EPB41: variants seen among roughly 807,000 people sequenced by gnomAD.
The protein encoded by EPB41 is erythrocyte membrane protein band 4.1.
A neutral mutation model predicts 108.0 loss-of-function variants in EPB41; 65 were observed. The observed-to-expected ratio is 0.60, with a 90% CI of 0.49 to 0.74. The LOEUF (loss-of-function observed/expected upper bound fraction) is 0.74, where lower values mean the gene tolerates loss of function less well. Ranked by LOEUF, EPB41 falls within the 30% of genes least tolerant of loss-of-function variation. The pLI is 0.00. For missense variants in EPB41, 875 were observed against 1,037.0 expected (o/e 0.84, Z 2.15); for synonymous variants, 336 against 358.9 (o/e 0.94, Z 0.72).
chr1:29,117,859 C>T lies in EPB41; in HGVS notation c.*1047C>T, dbSNP rs1056135044. 1 of 152,564 alleles carries T rather than the reference C, an allele frequency of 6.6e-6. No individual in the cohort carries two copies. Among genetic ancestry groups the T allele is most frequent in the Admixed American group, 6.6e-5 (1 of 15,262 alleles). The allele number at this position is 152,564 out of a possible 1,614,324, so 9.5% of individuals were successfully genotyped here. ...GTTTTTCTTTTTTGACCTTTCTTCT[C>T]TCAACAGGAACCTGCCTGAGGACAC... On this transcript the variant is annotated 3_prime_UTR_variant, in exon 21 of 21. Coordinates refer to ENST00000343067, the MANE Select transcript of EPB41 (RefSeq NM_001376013.1).
intron 1 of EPB41, among the ~76,000 whole-genome samples, chr1:28,980,696 G>T: frequency 6.6e-6 from 1 of 151,822 alleles, no homozygotes; most frequent in Non-Finnish European, 1.5e-5. Flanking sequence ...TTGCCTGGGT[G>T]GAGTCAGAAC....
At chr1:28,896,462 T>G (rs570672647) in intron 1 of EPB41, among the ~76,000 whole-genome samples, 3 of 152,320 alleles carry the variant, frequency 2.0e-5, no homozygotes, top group Non-Finnish European at 4.4e-5. Flanking sequence ...GTGCTGGGCA[T>G]GGGGCCCAGA....
In EPB41 at chr1:28,988,883, G is replaced by T. The variant is rs147998124; in HGVS notation, c.468+978G>T. The stretch of plus-strand genomic sequence containing the variant: ...TGTTTATAAATCAAAGAATAGTAGA[G>T]AAAAAAAAAGTATCAAATCAATGTG... On this transcript the variant is annotated intron_variant, in intron 2 of 20. Coordinates refer to ENST00000343067, the MANE Select transcript of EPB41 (RefSeq NM_001376013.1). 3.8e-3 allele frequency among the ~76,000 whole-genome samples: 570 copies of T among 150,306 alleles called. 6 individuals are homozygous for T. Among genetic ancestry groups the T allele is most frequent in the African/African-American group, 0.013 (531 of 40,970 alleles).
chr1:29,022,675 C>T lies in EPB41; in HGVS notation c.1124+4233C>T, dbSNP rs368092105. On this transcript the variant is annotated intron_variant, in intron 7 of 20. Coordinates refer to ENST00000343067, the MANE Select transcript of EPB41 (RefSeq NM_001376013.1). ...GGCGGTGGTTGCAGTGAGCCAAGAT[C>T]GTGCCATTGCACTACAGCCTGGGCG... Among the ~76,000 whole-genome samples, 67 of 151,952 alleles carry T rather than the reference C, an allele frequency of 4.4e-4. 1 individual carries two copies. The highest frequency in any genetic ancestry group is 4.2e-3 in the South Asian group (20 of 4,814).
At chr1:29,063,882 A>G (rs1249893994) in intron 15 of EPB41, among the ~76,000 whole-genome samples, 1 of 152,148 alleles carries the variant, frequency 6.6e-6, no homozygotes, top group African/African-American at 2.4e-5. Context: ...TTACCATACT[A>G]TTTTTGGCCA....
chr1:28,969,423 T>C (rs1339154463), intron 1 of EPB41, among the ~76,000 whole-genome samples: 1 of 152,108 alleles, frequency 6.6e-6, no homozygotes, highest in Non-Finnish European at 1.5e-5. Context: ...AGAATTTATT[T>C]GTAGTAAGCT....
At chr1:29,081,034 T>G (rs1031355591) in intron 16 of EPB41, among the ~76,000 whole-genome samples, 1 of 152,190 alleles carries the variant, frequency 6.6e-6, no homozygotes, top group African/African-American at 2.4e-5. Context: ...CAGCAAGAGA[T>G]TGCTGTCAGC....
chr1:29,088,404 A>G (rs1321520061), intron 16 of EPB41, among the ~76,000 whole-genome samples: 1 of 151,980 alleles, frequency 6.6e-6, no homozygotes, highest in African/African-American at 2.4e-5. Context: ...CTAGATTAAC[A>G]CCTTTGAATC....
At chr1:28,906,557 G>T (rs1440474075) in intron 1 of EPB41, among the ~76,000 whole-genome samples, 1 of 152,180 alleles carries the variant, frequency 6.6e-6, no homozygotes, top group African/African-American at 2.4e-5. Flanking sequence ...GGCCAGATCA[G>T]TGGGTCTCTC....
At chr1:29,031,581 G>A (rs2096789815) in intron 8 of EPB41, among the ~76,000 whole-genome samples, 1 of 152,138 alleles carries the variant, frequency 6.6e-6, no homozygotes, top group East Asian at 1.9e-4. Context: ...TCCCAGGCCT[G>A]CTGAGTTAGA....
chr1:29,112,796 A>G (rs2151728590), intron 19 of EPB41, among the ~76,000 whole-genome samples: 1 of 152,326 alleles, frequency 6.6e-6, no homozygotes, highest in South Asian at 2.1e-4. Flanking sequence ...GAATCAGGTG[A>G]AATACTGGAT....
intron 5 of EPB41, among the ~76,000 whole-genome samples, chr1:29,015,125 C>T (rs1226725444): frequency 6.6e-6 from 1 of 152,006 alleles, no homozygotes; most frequent in Non-Finnish European, 1.5e-5. Context: ...CTTTATAAAT[C>T]AAACGATTAT....
intron 4 of EPB41, among the ~76,000 whole-genome samples, chr1:29,000,337 C>T (rs556684118): frequency 1.3e-5 from 2 of 152,256 alleles, no homozygotes; most frequent in Admixed American, 1.3e-4. Context: ...TGACCTCAGG[C>T]GATTCACCCG....
intron 15 of EPB41, among the ~76,000 whole-genome samples, chr1:29,060,948 G>A (rs1646409218): frequency 1.3e-5 from 2 of 152,162 alleles, no homozygotes; most frequent in Non-Finnish European, 2.9e-5. Context: ...CTGTCGGGGA[G>A]GGGCGGGAAG....
At chr1:28,969,743 T>C (rs1055588680) in intron 1 of EPB41, among the ~76,000 whole-genome samples, 5 of 151,770 alleles carry the variant, frequency 3.3e-5, no homozygotes, top group Non-Finnish European at 7.4e-5. Flanking sequence ...ACTAAAAAAA[T>C]ACAAAAAATT....
chr1:29,085,911 A>G (rs866241431), intron 16 of EPB41, among the ~76,000 whole-genome samples: 9 of 152,232 alleles, frequency 5.9e-5, no homozygotes, highest in African/African-American at 2.2e-4. Flanking sequence ...TATTCCCCTT[A>G]TAAAAGAGAA....
intron 1 of EPB41, among the ~76,000 whole-genome samples, chr1:28,954,996 A>C (rs1355924415): frequency 6.6e-6 from 1 of 152,198 alleles, no homozygotes; most frequent in East Asian, 1.9e-4. Context: ...CAGCATCTAC[A>C]TATATTTGAA....
At chr1:28,997,769 GA>G (rs1314735159) in intron 4 of EPB41, among the ~76,000 whole-genome samples, 1 of 151,798 alleles carries the variant, frequency 6.6e-6, no homozygotes, top group Non-Finnish European at 1.5e-5. Flanking sequence ...TTATGAAACA[GA>G]ATAAAATCCC....
chr1:28,898,471 T>C (rs879468699), intron 1 of EPB41, among the ~76,000 whole-genome samples: 10 of 152,210 alleles, frequency 6.6e-5, no homozygotes, highest in African/African-American at 9.6e-5. Context: ...ACAGCAGGCT[T>C]TCCTCCCAGA....
Sources: allele counts gnomAD v4.1 joint callset (sites outside exome capture counted in the v4.1 genomes callset), GRCh38; gene constraint gnomAD v4.1.1; transcripts MANE v1.5; gene names NCBI Gene and HGNC (gene_info 2026-07-23, HGNC 2026-07-21).